Variants in SLC2A9 observed in about 807,000 individuals in gnomAD.
SLC2A9 encodes solute carrier family 2, facilitated glucose transporter member 9.
Under a neutral mutation model 50.6 loss-of-function variants are expected in SLC2A9, and 39 were observed. That is an observed-to-expected ratio of 0.77 (90% CI 0.60 to 1.01). The LOEUF is 1.01. Among genes scored for constraint, SLC2A9 ranks in the 50% least tolerant of loss-of-function variants. The probability of loss-of-function intolerance (pLI) is 0.00; values close to 1 mark genes in which losing one functional copy is unlikely to be tolerated. For missense variants in SLC2A9, 686 were observed against 677.6 expected (o/e 1.01, Z -0.14); for synonymous variants, 324 against 276.9 (o/e 1.17, Z -1.69).
Position 9,860,679 on chromosome 4 carries a change from C to T in SLC2A9, c.1292-25671G>A, listed in dbSNP as rs546063813. On this transcript the variant is annotated intron_variant, in intron 10 of 11. Coordinates refer to ENST00000264784, the MANE Select transcript of SLC2A9 (RefSeq NM_020041.3). ...CAGGCCAGCCTGGCTCCCTTGTGCACCTCAATTGATGGGCAACTCATTCCT... is the reference window on the plus strand; with the variant it reads ...CAGGCCAGCCTGGCTCCCTTGTGCATCTCAATTGATGGGCAACTCATTCCT... 9.2e-5 allele frequency among the ~76,000 whole-genome samples: 14 copies of T among 152,358 alleles called. No individual in the cohort carries two copies. In the East Asian group the frequency reaches 2.7e-3, roughly 29 times the overall value.
intron 10 of SLC2A9, among the ~76,000 whole-genome samples, chr4:9,856,790 A>T (rs1192695796): frequency 6.6e-6 from 1 of 152,248 alleles, no homozygotes; most frequent in African/African-American, 2.4e-5. Context: ...GCCATAAAAA[A>T]GAAAAAGATC....
In SLC2A9 at chr4:10,030,895, A is replaced by G. The variant is rs139774566; in HGVS notation, c.-40-4889T>C. On this transcript the variant is annotated intron_variant, in intron 1 of 12. Coordinates refer to the SLC2A9 transcript ENST00000309065. ...CAGAGGTCATGATCAGCCCCATTTCATAGACCTGGAAACTGGGGCTTAGGG... is the reference window on the plus strand; with the variant it reads ...CAGAGGTCATGATCAGCCCCATTTCGTAGACCTGGAAACTGGGGCTTAGGG... Among the ~76,000 whole-genome samples, 5 of 152,162 alleles carry G rather than the reference A, an allele frequency of 3.3e-5. No individual in the cohort carries two copies. The Middle Eastern group carries it at 9.5e-3, about 289-fold the overall frequency.
chr4:10,039,522 C>T (rs779664627), intron 1 of SLC2A9, among the ~76,000 whole-genome samples: 4 of 152,226 alleles, frequency 2.6e-5, no homozygotes, highest in Admixed American at 6.5e-5. Context: ...AAACACCTCC[C>T]TCCTGCTTAT....
At chr4:9,954,455 C>T (rs4481233) in intron 5 of SLC2A9, among the ~76,000 whole-genome samples, 24,402 of 152,322 alleles carry the variant, frequency 0.16, 2,190 homozygotes, top group Admixed American at 0.23. Context: ...ACCTCCTGCT[C>T]TGCCCTAACT....
At chr4:10,036,874 G>A (rs902077475) in intron 1 of SLC2A9, among the ~76,000 whole-genome samples, 7 of 152,200 alleles carry the variant, frequency 4.6e-5, no homozygotes, top group Admixed American at 2.0e-4. Flanking sequence ...ATTCTAGTCC[G>A]GGATTTCCAC....
intron 2 of SLC2A9, among the ~76,000 whole-genome samples, chr4:10,015,476 C>G (rs936851659): frequency 6.6e-6 from 1 of 152,170 alleles, no homozygotes; most frequent in African/African-American, 2.4e-5. Context: ...ACTACCTTGA[C>G]CTGAATTGTG....
intron 7 of SLC2A9, among the ~76,000 whole-genome samples, chr4:9,918,160 G>A (rs371899886): frequency 9.9e-5 from 15 of 152,162 alleles, no homozygotes; most frequent in Non-Finnish European, 1.8e-4. Context: ...CAGTATTTAC[G>A]GATGTCTCCA....
intron 5 of SLC2A9, among the ~76,000 whole-genome samples, chr4:9,959,255 G>C (rs546760964): frequency 3.8e-4 from 58 of 151,830 alleles, no homozygotes; most frequent in Non-Finnish European, 7.5e-4. Flanking sequence ...AGCCAGGCGT[G>C]GTGGCGGGGG....
chr4:10,018,759 C>A (rs1426714131), intron 2 of SLC2A9, among the ~76,000 whole-genome samples: 1 of 152,074 alleles, frequency 6.6e-6, no homozygotes, highest in African/African-American at 2.4e-5. Flanking sequence ...CACCCGCCCT[C>A]CAGCCGCAAG....
intron 8 of SLC2A9, among the ~76,000 whole-genome samples, chr4:9,891,519 G>A (rs554022669): frequency 6.6e-6 from 1 of 152,278 alleles, no homozygotes; most frequent in East Asian, 1.9e-4. Context: ...AGAGTGTCTG[G>A]AGTGGAAGGG....
intron 2 of SLC2A9, among the ~76,000 whole-genome samples, chr4:10,004,408 G>T (rs1306580744): frequency 6.6e-6 from 1 of 152,134 alleles, no homozygotes; most frequent in Non-Finnish European, 1.5e-5. Flanking sequence ...CTCAAGCAAG[G>T]AGTGTAAGTA....
At chr4:9,879,141 A>G in intron 10 of SLC2A9, 1 of 976,604 alleles carries the variant, frequency 1.0e-6, no homozygotes, top group Non-Finnish European at 1.2e-6. Flanking sequence ...GGACTGACCA[A>G]CCATGGCCAT....
chr4:10,000,468 C>T (rs1050997733), intron 2 of SLC2A9, among the ~76,000 whole-genome samples: 14 of 152,194 alleles, frequency 9.2e-5, no homozygotes, highest in African/African-American at 3.4e-4. Context: ...TGGTGAGCTT[C>T]AAGGATGGCC....
chr4:10,038,458 G>C (rs1410282172), intron 1 of SLC2A9, among the ~76,000 whole-genome samples: 1 of 124,008 alleles, frequency 8.1e-6, no homozygotes, highest in African/African-American at 3.1e-5. Context: ...AGTGAGCCGA[G>C]ATAGCACCAC....
intron 5 of SLC2A9, among the ~76,000 whole-genome samples, chr4:9,952,550 T>C (rs554637470): frequency 9.4e-4 from 142 of 151,028 alleles, no homozygotes; most frequent in South Asian, 2.3e-3. Context: ...TTTTTTTTTT[T>C]AAAGACAGGA....
intron 10 of SLC2A9, among the ~76,000 whole-genome samples, chr4:9,868,529 C>A (rs1329603351): frequency 6.6e-6 from 1 of 152,224 alleles, no homozygotes; most frequent in Admixed American, 6.5e-5. Context: ...CAATTGGGTA[C>A]CTGCACCTTC....
At chr4:9,916,686 G>A (rs1401333172) in intron 7 of SLC2A9, among the ~76,000 whole-genome samples, 1 of 152,124 alleles carries the variant, frequency 6.6e-6, no homozygotes, top group Non-Finnish European at 1.5e-5. Flanking sequence ...TGGCTTCTGT[G>A]TTTAAGAAAG....
chr4:9,899,929 G>C (rs1385747955), intron 8 of SLC2A9, among the ~76,000 whole-genome samples: 1 of 152,174 alleles, frequency 6.6e-6, no homozygotes, highest in African/African-American at 2.4e-5. Context: ...TTGGCTTGAG[G>C]CCGTAGCTTC....
chr4:9,892,948 A>C (rs1211073527), intron 8 of SLC2A9, among the ~76,000 whole-genome samples: 1 of 152,200 alleles, frequency 6.6e-6, no homozygotes, highest in Non-Finnish European at 1.5e-5. Flanking sequence ...AACTCATTTA[A>C]TCCTGACAAT....
Sources: allele counts gnomAD v4.1 joint callset (sites outside exome capture counted in the v4.1 genomes callset), GRCh38; gene constraint gnomAD v4.1.1; transcripts MANE v1.5; gene names NCBI Gene and HGNC (gene_info 2026-07-23, HGNC 2026-07-21).